The following ZGRF1 variants were observed in gnomAD, a reference collection of about 807,000 sequenced individuals.
ZGRF1 encodes 5'-3' DNA helicase ZGRF1.
A neutral mutation model predicts 203.5 loss-of-function variants in ZGRF1; 196 were observed. The observed-to-expected ratio is 0.96, with a 90% CI of 0.86 to 1.08. The LOEUF is 1.08. ZGRF1 is among the 50% of genes least tolerant of loss of function. The pLI, the probability that ZGRF1 is intolerant of heterozygous loss-of-function variation, is 0.00. For missense variants in ZGRF1, 2,326 were observed against 2,416.3 expected (o/e 0.96, Z 0.78); for synonymous variants, 809 against 841.3 (o/e 0.96, Z 0.66).
chr4:112,585,672 A>G lies in ZGRF1; in HGVS notation c.3970T>C (p.Ser1324Pro). The change falls in exon 14 of 28, where the codon TCA (serine) becomes CCA (proline). Residue 1324 changes from serine to proline, a missense_variant. Physicochemically the swap from Ser to Pro is moderately conservative, Grantham distance 74 (BLOSUM62 -1). Transcript: ENST00000505019. ...GLAQNLQKALSKVDISFYTSL... is the reference protein window; with the variant it reads ...GLAQNLQKALPKVDISFYTSL... ...GTATAAAATGATATGTCAACTTTTGAAAGAGCTTTCTGCAGGTTTTGTGCT... is the reference window on the plus strand; with the variant it reads ...GTATAAAATGATATGTCAACTTTTGGAAGAGCTTTCTGCAGGTTTTGTGCT... 1 of 1,608,390 alleles carries G rather than the reference A, an allele frequency of 6.2e-7. No individual in the cohort carries two copies. Among genetic ancestry groups the G allele is most frequent in the African/African-American group, 1.3e-5 (1 of 74,594 alleles).
At chr4:112,560,712 A>G in intron 19 of ZGRF1, 21 bp downstream of exon 19, 10 of 1,533,006 alleles carry the variant, frequency 6.5e-6, no homozygotes, top group Non-Finnish European at 8.8e-6. Flanking sequence ...AATTACAATT[A>G]TTTTCTTTCT....
intron 24 of ZGRF1, among the ~76,000 whole-genome samples, chr4:112,546,466 T>C (rs969887806): frequency 7.9e-5 from 12 of 152,360 alleles, no homozygotes; most frequent in Middle Eastern, 3.4e-3. Flanking sequence ...AATGGTTTTA[T>C]GTTAGATGAA....
At chr4:112,623,666 A>C (rs371110349) in intron 4 of ZGRF1, 151 bp downstream of exon 4, 1 of 561,764 alleles carries the variant, frequency 1.8e-6, no homozygotes, top group African/African-American at 1.9e-5. Flanking sequence ...AGGAAACAAT[A>C]TCTAAAAGGT....
At chr4:112,562,518 T>C (rs1176820283) in intron 17 of ZGRF1, 33 bp from the exon 18 acceptor site, 17 of 1,320,610 alleles carry the variant, frequency 1.3e-5, no homozygotes, top group Non-Finnish European at 1.7e-5. Context: ...AAACATTTGA[T>C]GTAAATAAAA....
chr4:112,609,601 T>A (rs1751280553), intron 7 of ZGRF1, among the ~76,000 whole-genome samples, 172 bp from the exon 8 acceptor site: 1 of 149,736 alleles, frequency 6.7e-6, no homozygotes, highest in African/African-American at 2.5e-5. Flanking sequence ...AGGTAAGGAG[T>A]TCGAGACCAC....
rs1292500009 is a variant in ZGRF1 at position 112,587,794 on chromosome 4, T to A, written c.3263A>T (p.Asn1088Ile). ...PDLDSHSYMI[N>I]SNTYESSGSP... ...GCCAGAAGACTCGTATGTGTTAGAG[T>A]TGATCATATACGAATGAGAGTCTAA... Residue 1088 changes from asparagine (N) to isoleucine (I), a missense_variant, in exon 12 of 28, where the codon AAC (asparagine) becomes ATC (isoleucine). Coordinates refer to ENST00000505019, the MANE Select transcript of ZGRF1 (RefSeq NM_018392.5). The A allele has an allele frequency of 6.4e-7, 1 of 1,552,220 alleles. No homozygotes were observed.
At chr4:112,554,090 A>C (rs1324047807) in intron 21 of ZGRF1, 108 bp from the exon 22 acceptor site, 3 of 886,888 alleles carry the variant, frequency 3.4e-6, no homozygotes, top group Non-Finnish European at 5.0e-6. Context: ...TTTAGGGTAC[A>C]TGTGCACAAT....
At position 112,619,662 on chromosome 4, in the gene ZGRF1, T is replaced by C. The variant is rs2047001820; in HGVS notation, c.380A>G (p.Lys127Arg). 6 of 1,611,496 alleles carry C rather than the reference T, an allele frequency of 3.7e-6. No homozygotes were observed. In the East Asian group the frequency reaches 1.3e-4, roughly 36 times the overall value. Residue 127 changes from lysine (K) to arginine (R), a missense_variant, in exon 6 of 28, where the codon AAG becomes AGG. Transcript: ENST00000505019. ...TGFQGPRQVP[K>R]KMVIMESGES... ...ACCACTTTCCATAATAACCATTTTCTTTGGAACCTGACGTGGTCCTTGAAA... is the reference window on the plus strand; with the variant it reads ...ACCACTTTCCATAATAACCATTTTCCTTGGAACCTGACGTGGTCCTTGAAA...
At chr4:112,610,440 G>A (rs969576418) in intron 7 of ZGRF1, among the ~76,000 whole-genome samples, 4 of 150,972 alleles carry the variant, frequency 2.6e-5, no homozygotes, top group South Asian at 2.1e-4. Flanking sequence ...ACATGGTGGC[G>A]TGAGCCTGTG....
chr4:112,576,955 C>G (rs1745350080), intron 16 of ZGRF1, among the ~76,000 whole-genome samples: 1 of 151,760 alleles, frequency 6.6e-6, no homozygotes, highest in Non-Finnish European at 1.5e-5. Context: ...TCAAGAACAG[C>G]AACTCCAACA....
chr4:112,627,993 C>T (rs780496157), intron 3 of ZGRF1, among the ~76,000 whole-genome samples: 5 of 152,120 alleles, frequency 3.3e-5, no homozygotes, highest in Non-Finnish European at 5.9e-5. Context: ...CAGCTCCCTT[C>T]CCCCTAACTT....
rs575359048 is a variant in ZGRF1 at position 112,566,518 on chromosome 4, TAAAA to T, written c.4439-3248_4439-3245del. Among the ~76,000 whole-genome samples the T allele has an allele frequency of 5.5e-3, 826 of 149,258 alleles. 12 individuals are homozygous for T. The highest frequency in any genetic ancestry group is 0.019 in the African/African-American group (771 of 40,822). ...TAATAAAATAAAATAAATAAATAAA[TAAAA>T]AATAAATTTTTTACTTACTGAATTA... is the stretch of plus-strand genomic sequence containing the variant. On this transcript the variant is annotated intron_variant, in intron 16 of 27. Transcript: ENST00000505019.
Position 112,539,431 on chromosome 4 carries a change from G to T in ZGRF1, c.*116C>A. On this transcript the variant is annotated 3_prime_UTR_variant, in exon 28 of 28. Coordinates refer to ENST00000505019, the MANE Select transcript of ZGRF1 (RefSeq NM_018392.5). ...CAAAATTTTTACATGTGTTTACTAT[G>T]TTATTTAAATATCATATTTTTAATA... 1.7e-6 allele frequency: 1 copy of T among 578,316 alleles called. No individual in the cohort carries two copies. Among genetic ancestry groups the T allele is most frequent in the South Asian group, 5.3e-5 (1 of 18,742 alleles). The allele number at this position is 578,316 out of a possible 1,614,324, so 35.8% of individuals were successfully genotyped here.
intron 6 of ZGRF1, among the ~76,000 whole-genome samples, chr4:112,613,308 A>T (rs1470560970): frequency 6.6e-6 from 1 of 152,226 alleles, no homozygotes; most frequent in Non-Finnish European, 1.5e-5. Flanking sequence ...AAGAAAAAAA[A>T]ACAGCACTTC....
At chr4:112,584,334 A>G (rs1746797103) in intron 14 of ZGRF1, among the ~76,000 whole-genome samples, 160 bp from the exon 15 acceptor site, 2 of 152,234 alleles carry the variant, frequency 1.3e-5, no homozygotes, top group South Asian at 2.1e-4. Context: ...TTTAAAATTT[A>G]AAACCACCTA....
chr4:112,556,895 C>T (rs1018757855), intron 20 of ZGRF1, among the ~76,000 whole-genome samples: 2 of 152,066 alleles, frequency 1.3e-5, no homozygotes, highest in African/African-American at 4.8e-5. Flanking sequence ...ACTGTTTCTC[C>T]TAATCAAACT....
intron 27 of ZGRF1, 27 bp downstream of exon 27, chr4:112,539,836 C>T (rs1384710321): frequency 6.2e-7 from 1 of 1,609,534 alleles, no homozygotes; most frequent in East Asian, 2.2e-5. Context: ...ACTTGAAATG[C>T]ATGAATTAAA....
intron 16 of ZGRF1, among the ~76,000 whole-genome samples, chr4:112,575,443 G>A (rs138693470): frequency 0.043 from 6,529 of 152,202 alleles, 176 homozygotes; most frequent in Non-Finnish European, 0.061. Context: ...GACAGTGGGT[G>A]CAGTGCACCG....
Position 112,539,551 on chromosome 4 carries a change from GA to G in ZGRF1, c.6310del (p.Ser2104HisfsTer13). On this transcript the variant is annotated frameshift_variant, in exon 28 of 28. Coordinates refer to ENST00000505019, the MANE Select transcript of ZGRF1 (RefSeq NM_018392.5). LOFTEE classifies it high-confidence loss of function. The part of the protein sequence containing the change: ...EKEKSKDKSH[S>X] Reference sequence around the variant, plus strand: ...AAATATTTACACCATGTCTTTTTATGAATGAGATTTATCTTTAGATTTCTCT... The same window carrying G: ...AAATATTTACACCATGTCTTTTTATGATGAGATTTATCTTTAGATTTCTCT... 1 of 1,321,606 alleles carries G rather than the reference GA, an allele frequency of 7.6e-7. No homozygotes were observed. Among genetic ancestry groups the G allele is most frequent in the South Asian group, 1.3e-5 (1 of 76,448 alleles). 81.9% of individuals were successfully genotyped at this position (1,321,606 alleles called of 1,614,324 possible). A position where few individuals can be genotyped will look rare whatever the true frequency, so the allele number is the denominator to read the frequency against.
Sources: gnomAD v4.1 joint callset for allele counts (sites outside exome capture counted in the v4.1 genomes callset) on GRCh38, gnomAD v4.1.1 for gene constraint, MANE v1.5 for transcripts, NCBI Gene and HGNC (gene_info 2026-07-23, HGNC 2026-07-21) for gene names.